HIBCH: variants seen among roughly 807,000 people sequenced by gnomAD.
HIBCH encodes 3-hydroxyisobutyryl-CoA hydrolase, also known as 3-hydroxyisobutyryl-CoA hydrolase, mitochondrial.
HIBCH carries 50 observed loss-of-function variants against 58.2 expected under a neutral mutation model. The observed-to-expected ratio is 0.86, with a 90% CI of 0.68 to 1.09. The LOEUF (loss-of-function observed/expected upper bound fraction) is 1.09. Among genes scored for constraint, HIBCH ranks in the 50% least tolerant of loss-of-function variants. The pLI is 0.00. For missense variants in HIBCH, 450 were observed against 449.7 expected (o/e 1.00, Z -0.01); for synonymous variants, 151 against 146.9 (o/e 1.03, Z -0.20).
chr2:190,306,967 C>T lies in HIBCH; in HGVS notation c.78+3787G>A, dbSNP rs1370814203. Among the ~76,000 whole-genome samples, 1 of 152,166 alleles carries T rather than the reference C, an allele frequency of 6.6e-6. No homozygotes were observed. Among genetic ancestry groups the T allele is most frequent in the Admixed American group, 6.5e-5 (1 of 15,276 alleles). On this transcript the variant is annotated intron_variant, in intron 2 of 13. Coordinates refer to ENST00000359678, the MANE Select transcript of HIBCH (RefSeq NM_014362.4). The surrounding 1 kb of genome is among the most constrained non-coding windows in gnomAD (Gnocchi z 4.6). ...GCTGGCCATCACCAGACACCAAATCCGCTGGCCCCTTGATCTTGAACTCCC... is the reference window on the plus strand; with the variant it reads ...GCTGGCCATCACCAGACACCAAATCTGCTGGCCCCTTGATCTTGAACTCCC...
intron 6 of HIBCH, 135 bp downstream of exon 6, chr2:190,287,451 G>A: frequency 2.9e-6 from 2 of 689,530 alleles, no homozygotes; most frequent in Non-Finnish European, 2.6e-6. Flanking sequence ...AATCTGTCAG[G>A]ATCCAAAATC....
chr2:190,300,093 T>C (rs1559060922), intron 2 of HIBCH, among the ~76,000 whole-genome samples: 1 of 152,216 alleles, frequency 6.6e-6, no homozygotes, highest in African/African-American at 2.4e-5. Flanking sequence ...GTTGATTCCA[T>C]GTCTTTGCTA....
chr2:190,263,856 C>T (rs550071283), intron 6 of HIBCH, among the ~76,000 whole-genome samples: 1 of 151,584 alleles, frequency 6.6e-6, no homozygotes, highest in African/African-American at 2.4e-5. Context: ...AAAAATATAT[C>T]CTGGACTGGG....
At chr2:190,297,903 C>G (rs1009012210) in intron 2 of HIBCH, among the ~76,000 whole-genome samples, 1 of 146,784 alleles carries the variant, frequency 6.8e-6, no homozygotes, top group African/African-American at 2.5e-5. Context: ...TCTCCCTCCC[C>G]TTGCCCCCCA....
Position 190,273,834 on chromosome 2 carries a change from C to CT in HIBCH, c.439-12601dup, listed in dbSNP as rs1032970586. Among the ~76,000 whole-genome samples the CT allele has an allele frequency of 5.7e-4, 86 of 151,830 alleles. 2 individuals carry two copies. The highest frequency in any genetic ancestry group is 1.6e-4 in the Non-Finnish European group (11 of 67,936). On this transcript the variant is annotated intron_variant, in intron 6 of 13. Coordinates refer to ENST00000359678, the MANE Select transcript of HIBCH (RefSeq NM_014362.4). ...CTTCTTTCATAAACTCTCAGGTTCT[C>CT]TTTTTTTTCCTGCGGCAGGGTCTCA... is the stretch of plus-strand genomic sequence containing the variant.
Position 190,236,164 on chromosome 2 carries a change from A to G in HIBCH, c.891+8723T>C, listed in dbSNP as rs1198621594. Among the ~76,000 whole-genome samples, 1 of 152,146 alleles carries G rather than the reference A, an allele frequency of 6.6e-6. No individual in the cohort carries two copies. Among genetic ancestry groups the G allele is most frequent in the Non-Finnish European group, 1.5e-5 (1 of 68,034 alleles). On this transcript the variant is annotated intron_variant, in intron 11 of 13. Coordinates refer to ENST00000359678, the MANE Select transcript of HIBCH (RefSeq NM_014362.4). This position sits in a 1 kb window ranked among gnomAD's most constrained non-coding sequence, Gnocchi z 4.1. ...CATGGAGTAACTGCCATTTTAAGGT[A>G]TTTTACAATATTGCCACTGAAGATC...
chr2:190,265,455 C>CTTTTTTTTTTTTTT (rs78459121), intron 6 of HIBCH, among the ~76,000 whole-genome samples: 1 of 142,044 alleles, frequency 7.0e-6, no homozygotes, highest in African/African-American at 2.6e-5. Flanking sequence ...ATCTTTTGCT[C>CTTTTTTTTTTTTTT]TTTTTTTTTT....
downstream of HIBCH, chr2:190,199,782 G>A (rs1690158133): frequency 6.4e-7 from 1 of 1,559,972 alleles, no homozygotes; most frequent in Non-Finnish European, 8.6e-7. Context: ...AACATCACAT[G>A]GACAAATTTC....
At position 190,211,023 on chromosome 2, in the gene HIBCH, A is replaced by C. The variant is rs542354723; in HGVS notation, c.1011+1933T>G. On this transcript the variant is annotated intron_variant, in intron 12 of 13. Coordinates refer to ENST00000359678, the MANE Select transcript of HIBCH (RefSeq NM_014362.4). This position sits in a 1 kb window ranked among gnomAD's most constrained non-coding sequence, Gnocchi z 5.0. ...ACAGTCTATTTCCCCATTATAAAGT[A>C]AGTTCCATGAGGGCAGGTGTTATCC... 6.6e-6 allele frequency among the ~76,000 whole-genome samples: 1 copy of C among 152,240 alleles called. No individual in the cohort carries two copies. Among genetic ancestry groups the C allele is most frequent in the East Asian group, 1.9e-4 (1 of 5,190 alleles).
At chr2:190,266,284 G>A (rs1001697106) in intron 6 of HIBCH, among the ~76,000 whole-genome samples, 7 of 152,146 alleles carry the variant, frequency 4.6e-5, no homozygotes, top group African/African-American at 1.4e-4. Context: ...AATAATGTGT[G>A]TGCATATAAA....
Position 190,209,572 on chromosome 2 carries a change from T to TC in HIBCH, c.1012-660dup, listed in dbSNP as rs1341128850. Among the ~76,000 whole-genome samples, 2 of 152,178 alleles carry TC rather than the reference T, an allele frequency of 1.3e-5. No homozygotes were observed. Among genetic ancestry groups the TC allele is most frequent in the African/African-American group, 4.8e-5 (2 of 41,448 alleles). The stretch of plus-strand genomic sequence containing the variant: ...TGACTTCTTTAAAAATACGAGAAGC[T>TC]CTTAGATATGAAGTCTTGTCTTCTC... On this transcript the variant is annotated intron_variant, in intron 12 of 13. Coordinates refer to ENST00000359678, the MANE Select transcript of HIBCH (RefSeq NM_014362.4). This position sits in a 1 kb window ranked among gnomAD's most constrained non-coding sequence, Gnocchi z 5.6.
At chr2:190,190,755 T>C (rs1290007774) in intron 1 of HIBCH, among the ~76,000 whole-genome samples, 3 of 152,204 alleles carry the variant, frequency 2.0e-5, no homozygotes, top group Non-Finnish European at 4.4e-5. Context: ...AATTATATTG[T>C]GGTTTTAAAA....
At chr2:190,225,619 C>T (rs995381767) in intron 11 of HIBCH, among the ~76,000 whole-genome samples, 11 of 152,078 alleles carry the variant, frequency 7.2e-5, no homozygotes, top group African/African-American at 2.2e-4. Context: ...GAAATTGAGG[C>T]AATAATTAAT....
At chr2:190,198,369 A>G (rs896218737) in intron 1 of HIBCH, among the ~76,000 whole-genome samples, 1 of 152,172 alleles carries the variant, frequency 6.6e-6, no homozygotes, top group Non-Finnish European at 1.5e-5. Flanking sequence ...GGCCAGGCAC[A>G]GTGGCTCACG....
chr2:190,292,631 A>G (rs1266540199), intron 4 of HIBCH, among the ~76,000 whole-genome samples: 1 of 152,228 alleles, frequency 6.6e-6, no homozygotes, highest in Non-Finnish European at 1.5e-5. Context: ...TTTTTAAAAG[A>G]AAGATCTGAC....
Position 190,236,145 on chromosome 2 carries a change from G to A in HIBCH, c.891+8742C>T, listed in dbSNP as rs1259642822. On this transcript the variant is annotated intron_variant, in intron 11 of 13. Coordinates refer to ENST00000359678, the MANE Select transcript of HIBCH (RefSeq NM_014362.4). This position sits in a 1 kb window ranked among gnomAD's most constrained non-coding sequence, Gnocchi z 4.1. ...ACAGAGGTGCACACACCTTCATGGA[G>A]TAACTGCCATTTTAAGGTATTTTAC... 2.0e-5 allele frequency among the ~76,000 whole-genome samples: 3 copies of A among 152,178 alleles called. No individual in the cohort carries two copies. Among genetic ancestry groups the A allele is most frequent in the Admixed American group, 6.5e-5 (1 of 15,276 alleles).
chr2:190,290,346 C>CAT, intron 5 of HIBCH, 59 bp downstream of exon 5: 1 of 1,159,878 alleles, frequency 8.6e-7, no homozygotes, highest in Non-Finnish European at 1.3e-6. Flanking sequence ...TAACAAAGTA[C>CAT]ATACTGTCCA....
chr2:190,249,263 A>G (rs1686696483), intron 9 of HIBCH, among the ~76,000 whole-genome samples: 1 of 152,250 alleles, frequency 6.6e-6, no homozygotes, highest in Non-Finnish European at 1.5e-5. Flanking sequence ...ATAAGTAAGG[A>G]ATTAAAAATA....
chr2:190,236,524 CA>C lies in HIBCH; in HGVS notation c.891+8362del, dbSNP rs1686280559. ...GACTGACAATAAACCAATACAAATA[CA>C]AAATATTTAAAACAAGAACAAGTCA... On this transcript the variant is annotated intron_variant, in intron 11 of 13. Coordinates refer to ENST00000359678, the MANE Select transcript of HIBCH (RefSeq NM_014362.4). This position sits in a 1 kb window ranked among gnomAD's most constrained non-coding sequence, Gnocchi z 4.1. Among the ~76,000 whole-genome samples the C allele has an allele frequency of 1.3e-5, 2 of 152,026 alleles. No homozygotes were observed. Among genetic ancestry groups the C allele is most frequent in the African/African-American group, 2.4e-5 (1 of 41,386 alleles).
Sources: allele counts gnomAD v4.1 joint callset (sites outside exome capture counted in the v4.1 genomes callset), GRCh38; gene constraint gnomAD v4.1.1; non-coding constraint Gnocchi (gnomAD v3.1); transcripts MANE v1.5; gene names NCBI Gene and HGNC (gene_info 2026-07-23, HGNC 2026-07-21).